RNF144B: variants seen among roughly 807,000 people sequenced by gnomAD.
RNF144B encodes E3 ubiquitin-protein ligase RNF144B.
A neutral mutation model predicts 40.2 loss-of-function variants in RNF144B; 25 were observed. That is an observed-to-expected ratio of 0.62 (90% confidence interval 0.45 to 0.87). RNF144B has a LOEUF of 0.87. Among genes scored for constraint, RNF144B ranks in the 40% least tolerant of loss-of-function variants. The pLI is 0.00. For missense variants in RNF144B, 365 were observed against 373.7 expected (o/e 0.98, Z 0.19); for synonymous variants, 145 against 136.3 (o/e 1.06, Z -0.44).
chr6:18,395,000 G>C (rs7768691), intron 1 of RNF144B, among the ~76,000 whole-genome samples: 58,405 of 151,996 alleles, frequency 0.38, 11,744 homozygotes, highest in South Asian at 0.5. Flanking sequence ...ACCAACCTTA[G>C]AATGCCTAAA....
At chr6:18,426,026 G>T (rs757155592) in intron 2 of RNF144B, among the ~76,000 whole-genome samples, 2 of 152,150 alleles carry the variant, frequency 1.3e-5, no homozygotes, top group African/African-American at 4.8e-5. Context: ...GTTTTCTGAA[G>T]TAATATAATA....
At chr6:18,396,761 G>T in intron 1 of RNF144B, 1 of 985,370 alleles carries the variant, frequency 1.0e-6, no homozygotes, top group Non-Finnish European at 1.2e-6. Context: ...CCATGAGCCC[G>T]GGAGTACTGG....
chr6:18,423,995 A>G (rs974356143), intron 2 of RNF144B, among the ~76,000 whole-genome samples: 6 of 152,226 alleles, frequency 3.9e-5, no homozygotes, highest in Non-Finnish European at 5.9e-5. Context: ...AAATGTGACT[A>G]AATGGTGGTA....
At chr6:18,417,334 C>T (rs1007996246) in intron 2 of RNF144B, among the ~76,000 whole-genome samples, 7 of 151,840 alleles carry the variant, frequency 4.6e-5, no homozygotes, top group African/African-American at 7.3e-5. Flanking sequence ...GATTACAGAG[C>T]GACAGTAATC....
chr6:18,406,882 A>G lies in RNF144B; in HGVS notation c.165+7183A>G, dbSNP rs1182368067. ...AGGTTTAATTGACTCACAGTTCTGC[A>G]TGGATGGGGAGGCCTCAGGAAACTT... On this transcript the variant is annotated intron_variant, in intron 2 of 7. Transcript: ENST00000259939. The surrounding 1 kb of genome is among the most constrained non-coding windows in gnomAD (Gnocchi z 4.2). Among the ~76,000 whole-genome samples the G allele has an allele frequency of 6.6e-6, 1 of 152,146 alleles. No individual in the cohort carries two copies. Among genetic ancestry groups the G allele is most frequent in the Non-Finnish European group, 1.5e-5 (1 of 68,030 alleles).
In RNF144B at chr6:18,459,245, C is replaced by T. The variant is rs1356426201; in HGVS notation, c.537-362C>T. Among the ~76,000 whole-genome samples the T allele has an allele frequency of 1.3e-5, 2 of 152,074 alleles. No homozygotes were observed. Among genetic ancestry groups the T allele is most frequent in the Non-Finnish European group, 1.5e-5 (1 of 68,016 alleles). ...TTCTCCATTTGTCTAATGAACAGAC[C>T]ATTAGATAGATTATATACGCCCAGT... On this transcript the variant is annotated intron_variant, in intron 5 of 7. Coordinates refer to ENST00000259939, the MANE Select transcript of RNF144B (RefSeq NM_182757.4). This position sits in a 1 kb window ranked among gnomAD's most constrained non-coding sequence, Gnocchi z 4.2.
chr6:18,436,573 A>G (rs924014291), intron 3 of RNF144B, among the ~76,000 whole-genome samples: 5 of 152,172 alleles, frequency 3.3e-5, no homozygotes, highest in African/African-American at 7.2e-5. Context: ...GCAACTTTTT[A>G]TATAATGGTC....
At chr6:18,404,190 G>T (rs781149676) in intron 2 of RNF144B, among the ~76,000 whole-genome samples, 2 of 152,220 alleles carry the variant, frequency 1.3e-5, no homozygotes, top group Non-Finnish European at 2.9e-5. Context: ...ATGAATCTGT[G>T]GTGGATCTTT....
chr6:18,439,695 G>C lies in RNF144B; in HGVS notation c.282G>C (p.Leu94Phe), dbSNP rs1213638936. ...GTLQEAEIAC[L>F]VPVDQFQLYQ... ...GTCTCTGGTTTCAGATTGCCTGTTTGGTACCTGTGGACCAGTTTCAACTTT... is the reference window on the plus strand; with the variant it reads ...GTCTCTGGTTTCAGATTGCCTGTTTCGTACCTGTGGACCAGTTTCAACTTT... The change falls in exon 4 of 8, where the codon TTG (leucine) becomes TTC (phenylalanine). Residue 94 changes from leucine to phenylalanine, a missense_variant. By Grantham distance (22) the Leu-to-Phe change is conservative. Coordinates refer to ENST00000259939, the MANE Select transcript of RNF144B (RefSeq NM_182757.4). 1 of 1,612,128 alleles carries C rather than the reference G, an allele frequency of 6.2e-7. No individual in the cohort carries two copies. Among genetic ancestry groups the C allele is most frequent in the Non-Finnish European group, 8.5e-7 (1 of 1,178,320 alleles).
rs545718626 is a variant in RNF144B at position 18,458,793 on chromosome 6, A to G, written c.537-814A>G. Among the ~76,000 whole-genome samples, 6 of 152,308 alleles carry G rather than the reference A, an allele frequency of 3.9e-5. No homozygotes were observed. Among genetic ancestry groups the G allele is most frequent in the South Asian group, 2.1e-4 (1 of 4,822 alleles). On this transcript the variant is annotated intron_variant, in intron 5 of 7. Transcript: ENST00000259939. This position sits in a 1 kb window ranked among gnomAD's most constrained non-coding sequence, Gnocchi z 4.8. ...TGTTTTCAGATTTTGAAATATTTTC[A>G]TGATATGTTTATTGGTTAAGCATCC...
At chr6:18,393,255 TC>T (rs1794623464) in intron 1 of RNF144B, among the ~76,000 whole-genome samples, 1 of 152,356 alleles carries the variant, frequency 6.6e-6, no homozygotes, top group East Asian at 1.9e-4. Flanking sequence ...GAACTGTTTT[TC>T]TGATTGAAAG....
intron 3 of RNF144B, among the ~76,000 whole-genome samples, chr6:18,429,330 A>C (rs756589914): frequency 1.4e-5 from 2 of 145,560 alleles, no homozygotes; most frequent in African/African-American, 2.4e-5. Context: ...GTATAGATAT[A>C]TATACTGTAC....
chr6:18,443,850 C>T lies in RNF144B; in HGVS notation c.331+4106C>T, dbSNP rs991646504. On this transcript the variant is annotated intron_variant, in intron 4 of 7. Transcript: ENST00000259939. The surrounding 1 kb of genome is among the most constrained non-coding windows in gnomAD (Gnocchi z 4.7). ...TGATGTGAAACCATTTATAAGGGGA[C>T]TTTGGGGTGCATTAAATACCCACTA... Among the ~76,000 whole-genome samples, 4 of 152,110 alleles carry T rather than the reference C, an allele frequency of 2.6e-5. No individual in the cohort carries two copies. Among genetic ancestry groups the T allele is most frequent in the Admixed American group, 2.6e-4 (4 of 15,276 alleles).
intron 3 of RNF144B, among the ~76,000 whole-genome samples, chr6:18,438,743 A>T (rs988590376): frequency 6.6e-6 from 1 of 152,106 alleles, no homozygotes; most frequent in African/African-American, 2.4e-5. Context: ...TTTGTGCCAA[A>T]AAAAGGTGAT....
chr6:18,395,667 G>T lies in RNF144B; in HGVS notation c.-36-3832G>T, dbSNP rs1262370463. On this transcript the variant is annotated intron_variant, in intron 1 of 7. Transcript: ENST00000259939. The surrounding 1 kb of genome is among the most constrained non-coding windows in gnomAD (Gnocchi z 4.5). ...TTTTGCCCAAAGTGAGAAACGAAAGGGTTGGTTTTTAGTCTGTGCATGGTG... is the reference window on the plus strand; with the variant it reads ...TTTTGCCCAAAGTGAGAAACGAAAGTGTTGGTTTTTAGTCTGTGCATGGTG... Among the ~76,000 whole-genome samples the T allele has an allele frequency of 6.6e-6, 1 of 151,942 alleles. No individual in the cohort carries two copies. Among genetic ancestry groups the T allele is most frequent in the Non-Finnish European group, 1.5e-5 (1 of 68,010 alleles).
chr6:18,465,322 C>T lies in RNF144B; in HGVS notation c.*255C>T, dbSNP rs1175606601. On this transcript the variant is annotated 3_prime_UTR_variant, in exon 8 of 8. Transcript: ENST00000259939. ...TTTGGGGTTCCTTGAGATGAATGAACATATCATTTTATCATCCAAAGGATC... is the reference window on the plus strand; with the variant it reads ...TTTGGGGTTCCTTGAGATGAATGAATATATCATTTTATCATCCAAAGGATC... 2.0e-6 allele frequency: 1 copy of T among 499,072 alleles called. No homozygotes were observed. Among genetic ancestry groups the T allele is most frequent in the African/African-American group, 1.9e-5 (1 of 52,080 alleles). 30.9% of individuals were successfully genotyped at this position (499,072 alleles called of 1,614,324 possible).
chr6:18,459,017 A>G lies in RNF144B; in HGVS notation c.537-590A>G, dbSNP rs1018507574. The stretch of plus-strand genomic sequence containing the variant: ...ATAATAGATTTGACAACACTCTGTG[A>G]GTTGGATATCTCTGTGTGCTGGGTG... On this transcript the variant is annotated intron_variant, in intron 5 of 7. Transcript: ENST00000259939. This position sits in a 1 kb window ranked among gnomAD's most constrained non-coding sequence, Gnocchi z 4.2. 3.3e-5 allele frequency among the ~76,000 whole-genome samples: 5 copies of G among 152,310 alleles called. No individual in the cohort carries two copies. Among genetic ancestry groups the G allele is most frequent in the Admixed American group, 1.3e-4 (2 of 15,308 alleles).
intron 3 of RNF144B, among the ~76,000 whole-genome samples, chr6:18,432,724 G>A (rs1390905191): frequency 6.6e-6 from 1 of 152,228 alleles, no homozygotes; most frequent in Admixed American, 6.5e-5. Context: ...TATTTGAATA[G>A]TACCTGCCAT....
At position 18,465,389 on chromosome 6, in the gene RNF144B, C is replaced by T. The variant is rs974087905; in HGVS notation, c.*322C>T. ...CTTCCAGCCAAATTCAAGGAGCTTG[C>T]GGGAACATTTGATATAACAAATGTG... is the stretch of plus-strand genomic sequence containing the variant. On this transcript the variant is annotated 3_prime_UTR_variant, in exon 8 of 8. Coordinates refer to ENST00000259939, the MANE Select transcript of RNF144B (RefSeq NM_182757.4). The T allele has an allele frequency of 1.2e-4, 31 of 267,948 alleles. No homozygotes were observed. Among genetic ancestry groups the T allele is most frequent in the Non-Finnish European group, 1.9e-4 (27 of 142,152 alleles). 16.6% of individuals were successfully genotyped at this position (267,948 alleles called of 1,614,324 possible). A position where few individuals can be genotyped will look rare whatever the true frequency, so the allele number is the denominator to read the frequency against.
Sources: gnomAD v4.1 joint callset for allele counts (sites outside exome capture counted in the v4.1 genomes callset) on GRCh38, gnomAD v4.1.1 for gene constraint, Gnocchi (gnomAD v3.1) non-coding constraint, MANE v1.5 for transcripts, NCBI Gene and HGNC (gene_info 2026-07-23, HGNC 2026-07-21) for gene names.